CAMTA1: variants seen among roughly 807,000 people sequenced by gnomAD.
CAMTA1 encodes the protein calmodulin-binding transcription activator 1.
In CAMTA1, 27 loss-of-function variants were observed where a neutral mutation model predicts 170.9. That is an observed-to-expected ratio of 0.16 (90% CI 0.12 to 0.22). CAMTA1 has a LOEUF of 0.22. CAMTA1 is among the 10% of genes least tolerant of loss of function. CAMTA1 has a pLI of 1.00. For missense variants in CAMTA1, 1,619 were observed against 2,217.2 expected, an observed-to-expected ratio of 0.73 and a Z score of 5.42; for synonymous variants, 833 against 891.5, an observed-to-expected ratio of 0.93 and a Z score of 1.17.
chr1:7,090,631 T>C (rs1440532850), intron 3 of CAMTA1, among the ~76,000 whole-genome samples: 1 of 152,198 alleles, frequency 6.6e-6, no homozygotes, highest in Non-Finnish European at 1.5e-5. Flanking sequence ...CTATCTGCAG[T>C]GATGTTGTTG....
chr1:7,496,379 G>T (rs2093827503), intron 6 of CAMTA1, among the ~76,000 whole-genome samples: 1 of 152,136 alleles, frequency 6.6e-6, no homozygotes, highest in Non-Finnish European at 1.5e-5. Context: ...TGTGGGTGAG[G>T]ACATGAAGCC....
At chr1:7,181,903 C>A (rs1468530208) in intron 4 of CAMTA1, among the ~76,000 whole-genome samples, 1 of 152,010 alleles carries the variant, frequency 6.6e-6, no homozygotes, top group East Asian at 1.9e-4. Context: ...ACCACGATAA[C>A]CCTGCAAATT....
At chr1:7,428,050 G>A (rs981047613) in intron 5 of CAMTA1, among the ~76,000 whole-genome samples, 7 of 152,280 alleles carry the variant, frequency 4.6e-5, no homozygotes, top group South Asian at 4.1e-4. Context: ...GTCGGCGTCC[G>A]TGGGAAACAC....
At chr1:7,196,560 G>A (rs1232514577) in intron 4 of CAMTA1, among the ~76,000 whole-genome samples, 1 of 152,140 alleles carries the variant, frequency 6.6e-6, no homozygotes, top group Non-Finnish European at 1.5e-5. Context: ...AACAGATTTT[G>A]GAGTGATTTA....
At chr1:7,317,833 T>TA (rs1344730943) in intron 5 of CAMTA1, among the ~76,000 whole-genome samples, 6 of 152,200 alleles carry the variant, frequency 3.9e-5, no homozygotes, top group South Asian at 4.1e-4. Context: ...TTGCATTGGT[T>TA]AAAAAAAATA....
Position 7,113,650 on chromosome 1 carries a change from G to A in CAMTA1, c.302+22279G>A, listed in dbSNP as rs1644193687. Among the ~76,000 whole-genome samples, 1 of 152,242 alleles carries A rather than the reference G, an allele frequency of 6.6e-6. No homozygotes were observed. Among genetic ancestry groups the A allele is most frequent in the Non-Finnish European group, 1.5e-5 (1 of 68,042 alleles). ...TTAATTTATATTCTAACATGGTAAT[G>A]AGGAAGCGGCTTTTGTCCAAGAGGT... On this transcript the variant is annotated intron_variant, in intron 4 of 22. Coordinates refer to ENST00000303635, the MANE Select transcript of CAMTA1 (RefSeq NM_015215.4). The surrounding 1 kb of genome is among the most constrained non-coding windows in gnomAD (Gnocchi z 4.5).
intron 4 of CAMTA1, among the ~76,000 whole-genome samples, chr1:7,176,180 C>T (rs1226550142): frequency 6.6e-6 from 1 of 152,254 alleles, no homozygotes; most frequent in Non-Finnish European, 1.5e-5. Context: ...TGAGCTGCCC[C>T]TGCTGCATTT....
intron 4 of CAMTA1, among the ~76,000 whole-genome samples, chr1:7,131,489 G>T (rs1645249106): frequency 6.7e-6 from 1 of 149,400 alleles, no homozygotes; most frequent in African/African-American, 2.5e-5. Flanking sequence ...GTTTTTATGT[G>T]TGGTGTGAGA....
At chr1:7,255,155 G>A (rs911651531) in intron 5 of CAMTA1, among the ~76,000 whole-genome samples, 1 of 152,184 alleles carries the variant, frequency 6.6e-6, no homozygotes, top group African/African-American at 2.4e-5. Context: ...GGGGCTAGGA[G>A]AGGGAGAGCA....
At chr1:7,544,009 C>T (rs1039921741) in intron 6 of CAMTA1, among the ~76,000 whole-genome samples, 2 of 152,104 alleles carry the variant, frequency 1.3e-5, no homozygotes, top group African/African-American at 4.8e-5. Flanking sequence ...AAAAGGGATC[C>T]CACATTTTCA....
intron 1 of CAMTA1, among the ~76,000 whole-genome samples, chr1:6,808,093 A>G (rs762639096): frequency 9.2e-5 from 14 of 151,932 alleles, no homozygotes; most frequent in Non-Finnish European, 5.9e-5. Flanking sequence ...AAGAGAGTAC[A>G]GGGAGTGGGT....
intron 3 of CAMTA1, among the ~76,000 whole-genome samples, chr1:6,983,568 A>C (rs1242496465): frequency 6.6e-6 from 1 of 152,160 alleles, no homozygotes; most frequent in East Asian, 1.9e-4. Flanking sequence ...GTATTATTTC[A>C]TATTTATCTT....
At chr1:7,700,958 G>C (rs1350702438) in intron 11 of CAMTA1, 1 of 152,186 alleles carries the variant, frequency 6.6e-6, no homozygotes, top group Admixed American at 6.5e-5. Context: ...TTCCTTTGTA[G>C]AGATCAAGGC....
chr1:7,071,479 T>C (rs1187465785), intron 3 of CAMTA1, among the ~76,000 whole-genome samples: 1 of 152,200 alleles, frequency 6.6e-6, no homozygotes, highest in Non-Finnish European at 1.5e-5. Flanking sequence ...TTAATGACTT[T>C]CTATATTTCA....
chr1:7,745,293 A>G (rs911881894), intron 17 of CAMTA1, among the ~76,000 whole-genome samples: 2 of 152,120 alleles, frequency 1.3e-5, no homozygotes, highest in East Asian at 1.9e-4. Flanking sequence ...TTGGGAGGCC[A>G]AGGCGGGTGG....
At chr1:7,628,464 G>A (rs1284057110) in intron 6 of CAMTA1, among the ~76,000 whole-genome samples, 3 of 152,246 alleles carry the variant, frequency 2.0e-5, no homozygotes, top group South Asian at 4.1e-4. Context: ...AAGAGCTAGT[G>A]CACCAGAGTT....
chr1:6,785,624 G>A lies in CAMTA1; in HGVS notation c.45+49G>A, dbSNP rs1474870298. 3.1e-6 allele frequency: 3 copies of A among 980,732 alleles called. No homozygotes were observed. In the African/African-American group the frequency reaches 5.6e-5, roughly 18 times the overall value. 60.8% of individuals were successfully genotyped at this position (980,732 alleles called of 1,614,324 possible). ...TGGGGGGCGGCGCGGCGGGCGGCGG[G>A]ACCCGGCCCCGCCGGACATCCCGGG... On this transcript the variant is annotated intron_variant, in intron 1 of 22. Coordinates refer to ENST00000303635, the MANE Select transcript of CAMTA1 (RefSeq NM_015215.4).
rs1224866802 is a variant in CAMTA1 at position 7,664,965 on chromosome 1, A to C, written c.2418A>C (p.Ser806=). Residue 806 remains serine (S), a synonymous_variant, in exon 9 of 23, where the codon TCA becomes TCC. Transcript: ENST00000303635. ...GGGACAGCACGGCGCTCTCACAGTC[A>C]GAGGACGGGGCGCGGGCCCCCTTCA... ...VSGDSTALSQ[S]EDGARAPFTQ... is the part of the protein sequence containing the mutation. 6.2e-7 allele frequency: 1 copy of C among 1,612,612 alleles called. No individual in the cohort carries two copies.
At chr1:6,868,651 G>A (rs573225336) in intron 3 of CAMTA1, among the ~76,000 whole-genome samples, 1 of 152,166 alleles carries the variant, frequency 6.6e-6, no homozygotes, top group East Asian at 1.9e-4. Flanking sequence ...CAGGGAGGGA[G>A]GGGGGAAGAT....
Sources: gnomAD v4.1 joint callset for allele counts (sites outside exome capture counted in the v4.1 genomes callset) on GRCh38, gnomAD v4.1.1 for gene constraint, Gnocchi (gnomAD v3.1) non-coding constraint, MANE v1.5 for transcripts, NCBI Gene and HGNC (gene_info 2026-07-23, HGNC 2026-07-21) for gene names.